Variants in FLRT1 observed in about 807,000 individuals in gnomAD.
The protein encoded by FLRT1 is fibronectin leucine rich transmembrane protein 1.
Under a neutral mutation model 30.9 loss-of-function variants are expected in FLRT1, and 14 were observed. The observed-to-expected ratio is 0.45, with a 90% CI of 0.30 to 0.71. The LOEUF (loss-of-function observed/expected upper bound fraction) is 0.71. Among genes scored for constraint, FLRT1 ranks in the 30% least tolerant of loss-of-function variants. The pLI is 0.08. For synonymous variants in FLRT1, 368 were observed against 430.4 expected (o/e 0.85, Z 1.80); for missense variants, 737 against 949.2 (o/e 0.78, Z 2.94).
chr11:64,048,439 G>C (rs961650152), intron 1 of FLRT1, among the ~76,000 whole-genome samples: 6 of 152,218 alleles, frequency 3.9e-5, no homozygotes, highest in African/African-American at 1.4e-4. Flanking sequence ...CCTGGGACGG[G>C]TGTGGCCTGT....
chr11:64,038,374 C>T (rs939660017), intron 1 of FLRT1, among the ~76,000 whole-genome samples: 1 of 152,192 alleles, frequency 6.6e-6, no homozygotes, highest in African/African-American at 2.4e-5. Flanking sequence ...GGGTGTTCTG[C>T]GTGTGGGTGC....
At chr11:64,081,556 A>T (rs1944304100) in intron 1 of FLRT1, 1 of 152,388 alleles carries the variant, frequency 6.6e-6, no homozygotes, top group Admixed American at 6.5e-5. Flanking sequence ...CAAACCACAC[A>T]TATCATGGGT....
intron 1 of FLRT1, among the ~76,000 whole-genome samples, chr11:64,076,455 T>TGGATGGAC (rs573119754): frequency 1.2e-3 from 186 of 152,148 alleles, no homozygotes; most frequent in African/African-American, 4.2e-3. Context: ...GATGGACGGA[T>TGGATGGAC]GGATGGACGG....
In FLRT1 at chr11:64,116,514, G is replaced by A. The variant is rs767199910; in HGVS notation, c.247G>A (p.Ala83Thr). The part of the protein sequence containing the change: ...TSIPADIPDD[A>T]TTLYLQNNQI... The stretch of plus-strand genomic sequence containing the variant: ...CATCCCCGCAGATATCCCTGATGAT[G>A]CCACCACCCTCTACCTGCAGAACAA... Residue 83 changes from alanine (A) to threonine (T), a missense_variant, in exon 3 of 3, where the codon GCC (alanine) becomes ACC (threonine). Transcript: ENST00000682287. 5 of 1,613,542 alleles carry A rather than the reference G, an allele frequency of 3.1e-6. No individual in the cohort carries two copies. Among genetic ancestry groups the A allele is most frequent in the East Asian group, 4.5e-5 (2 of 44,874 alleles).
chr11:64,115,381 CTT>C (rs111536886), intron 2 of FLRT1, among the ~76,000 whole-genome samples: 10 of 145,846 alleles, frequency 6.9e-5, no homozygotes, highest in Admixed American at 1.4e-4. Flanking sequence ...AAACAGACCA[CTT>C]TTTTTTTTTT....
intron 1 of FLRT1, among the ~76,000 whole-genome samples, chr11:64,055,526 G>A (rs565668739): frequency 4.7e-4 from 72 of 152,308 alleles, no homozygotes; most frequent in African/African-American, 1.6e-3. Context: ...AAAGAGGAGC[G>A]GGGGAACCTT....
Position 64,103,748 on chromosome 11 carries a change from G to A in FLRT1, c.-483G>A, listed in dbSNP as rs1944711086. 1 of 152,298 alleles carries A rather than the reference G, an allele frequency of 6.6e-6. No individual in the cohort carries two copies. The highest frequency in any genetic ancestry group is 2.4e-5 in the African/African-American group (1 of 41,446). 9.4% of individuals were successfully genotyped at this position (152,298 alleles called of 1,614,324 possible). A position where few individuals can be genotyped will look rare whatever the true frequency, so the allele number is the denominator to read the frequency against. The stretch of plus-strand genomic sequence containing the variant: ...CTCAGGGCTGGGTGCCAGGCCACAG[G>A]GCATGCCCGACGAACAGGGAGTCGG... On this transcript the variant is annotated 5_prime_UTR_variant, in exon 2 of 3. Coordinates refer to ENST00000682287, the MANE Select transcript of FLRT1 (RefSeq NM_013280.5).
intron 2 of FLRT1, among the ~76,000 whole-genome samples, chr11:64,108,985 G>A (rs146892973): frequency 2.0e-5 from 3 of 152,260 alleles, no homozygotes; most frequent in Admixed American, 2.0e-4. Flanking sequence ...GGGGGTGGGG[G>A]AGACGTGACC....
intron 1 of FLRT1, among the ~76,000 whole-genome samples, chr11:64,091,933 G>C (rs1434162864): frequency 6.6e-6 from 1 of 152,174 alleles, no homozygotes; most frequent in African/African-American, 2.4e-5. Flanking sequence ...CTCTGGGGCT[G>C]CAGGAAGCAT....
At chr11:64,069,337 G>C (rs1944063596) in intron 1 of FLRT1, among the ~76,000 whole-genome samples, 1 of 152,198 alleles carries the variant, frequency 6.6e-6, no homozygotes, top group Non-Finnish European at 1.5e-5. Flanking sequence ...AGCCTGGGGG[G>C]CACAGGAGGC....
In FLRT1 at chr11:64,116,853, C is replaced by A. The variant is rs1432611624; in HGVS notation, c.586C>A (p.Leu196Met). 1 of 1,612,480 alleles carries A rather than the reference C, an allele frequency of 6.2e-7. No homozygotes were observed. The highest frequency in any genetic ancestry group is 8.5e-7 in the Non-Finnish European group (1 of 1,179,960). ...CCACCTGAGCAGCATCCCCTCGGGG[C>A]TGCCGCACACGCTGGAGGAGCTGCG... ...RNHLSSIPSG[L>M]PHTLEELRLD... Residue 196 changes from leucine (L) to methionine (M), a missense_variant, in exon 3 of 3, where the codon CTG becomes ATG. By Grantham distance (15) the Leu-to-Met change is conservative. Transcript: ENST00000682287.
At position 64,103,563 on chromosome 11, in the gene FLRT1, C is replaced by T. The variant is rs1944707881; in HGVS notation, c.-668C>T. Reference sequence around the variant, plus strand: ...GAACACTCTCTGCACCCAGCCCATTCTGCCAAGTGACTTAAAGGAATTAAA... The same window carrying T: ...GAACACTCTCTGCACCCAGCCCATTTTGCCAAGTGACTTAAAGGAATTAAA... On this transcript the variant is annotated 5_prime_UTR_variant, in exon 2 of 3. Transcript: ENST00000682287. 6.7e-6 allele frequency: 1 copy of T among 149,940 alleles called. No homozygotes were observed. Among genetic ancestry groups the T allele is most frequent in the Admixed American group, 6.7e-5 (1 of 15,030 alleles). The allele number at this position is 149,940 out of a possible 1,614,324, so 9.3% of individuals were successfully genotyped here.
chr11:64,093,343 G>A (rs982563154), intron 1 of FLRT1, among the ~76,000 whole-genome samples: 11 of 152,202 alleles, frequency 7.2e-5, no homozygotes, highest in Non-Finnish European at 1.5e-4. Context: ...GTCCTTACCC[G>A]TAAGAGCTCA....
intron 1 of FLRT1, among the ~76,000 whole-genome samples, chr11:64,073,003 G>T (rs1311412410): frequency 6.6e-6 from 1 of 152,170 alleles, no homozygotes; most frequent in Non-Finnish European, 1.5e-5. Flanking sequence ...CCAGAGAGGG[G>T]TCGGGACCCA....
At chr11:64,071,020 C>T (rs1231086040) in intron 1 of FLRT1, among the ~76,000 whole-genome samples, 2 of 152,086 alleles carry the variant, frequency 1.3e-5, no homozygotes, top group African/African-American at 4.8e-5. Context: ...GTTCACAGAG[C>T]GGCCATACTC....
intron 1 of FLRT1, among the ~76,000 whole-genome samples, chr11:64,065,889 G>A (rs1198074760): frequency 6.6e-6 from 1 of 152,120 alleles, no homozygotes; most frequent in Non-Finnish European, 1.5e-5. Flanking sequence ...CCCCAGTGCA[G>A]AGTGGTTGGC....
chr11:64,118,177 C>T lies in FLRT1; in HGVS notation c.1910C>T (p.Thr637Ile), dbSNP rs765503556. The change falls in exon 3 of 3, where the codon ACT (threonine) becomes ATT (isoleucine). Residue 637 changes from threonine to isoleucine, a missense_variant. Thr to Ile is a moderately conservative substitution (Grantham distance 89). Coordinates refer to ENST00000682287, the MANE Select transcript of FLRT1 (RefSeq NM_013280.5). ...GCCAAAGAAGAGTACGTGGTCCACA[C>T]TATCTTCCCCTCCAACGGCAGCAGC... ...YRAKEEYVVH[T>I]IFPSNGSSLC... 2 of 1,613,652 alleles carry T rather than the reference C, an allele frequency of 1.2e-6. No individual in the cohort carries two copies. Among genetic ancestry groups the T allele is most frequent in the South Asian group, 2.2e-5 (2 of 91,084 alleles).
intron 2 of FLRT1, among the ~76,000 whole-genome samples, chr11:64,115,752 C>T (rs1390288367): frequency 2.6e-5 from 4 of 152,196 alleles, no homozygotes; most frequent in Non-Finnish European, 5.9e-5. Flanking sequence ...GCGTGCTCCT[C>T]GTGCAGTGCC....
chr11:64,055,240 G>A (rs903696507), intron 1 of FLRT1, among the ~76,000 whole-genome samples: 1 of 152,248 alleles, frequency 6.6e-6, no homozygotes, highest in Non-Finnish European at 1.5e-5. Context: ...GGGGCAGCCA[G>A]TAGCTTTGCC....
Sources: gnomAD v4.1 joint callset for allele counts (sites outside exome capture counted in the v4.1 genomes callset) on GRCh38, gnomAD v4.1.1 for gene constraint, MANE v1.5 for transcripts, NCBI Gene and HGNC (gene_info 2026-07-23, HGNC 2026-07-21) for gene names.